Variants in TUSC3 observed in about 807,000 individuals in gnomAD.
The protein encoded by TUSC3 is tumor suppressor candidate 3, also known as dolichyl-diphosphooligosaccharide--protein glycosyltransferase subunit TUSC3.
In TUSC3, 45 loss-of-function variants were observed where a neutral mutation model predicts 44.8. That is an observed-to-expected ratio of 1.00 (90% confidence interval 0.79 to 1.29). TUSC3 has a LOEUF of 1.29. Ranked by LOEUF, TUSC3 falls within the 50% of genes most tolerant of loss-of-function variation. The pLI, the probability that TUSC3 is intolerant of heterozygous loss-of-function variation, is 0.00. For synonymous variants in TUSC3, 212 were observed against 152.9 expected (o/e 1.39, Z -2.85); for missense variants, 519 against 437.9 (o/e 1.19, Z -1.65).
intron 1 of TUSC3, among the ~76,000 whole-genome samples, chr8:15,424,878 C>CA (rs67073442): frequency 0.023 from 3,140 of 135,166 alleles, 84 homozygotes; most frequent in African/African-American, 0.073. Flanking sequence ...GACTCTGTCT[C>CA]AAAAAAAAAA....
chr8:15,794,687 G>C, the TUSC3 span, among the ~76,000 whole-genome samples: 3 of 142,840 alleles, frequency 2.1e-5, no homozygotes, highest in Non-Finnish European at 3.0e-5. Flanking sequence ...CTGCATGTGA[G>C]TGTGCTGCAT....
intron 1 of TUSC3, among the ~76,000 whole-genome samples, chr8:15,617,132 G>GTGTGTGTGTGTGTGTGTGTGTGTGTA (rs375212684): frequency 3.9e-5 from 3 of 77,644 alleles, no homozygotes; most frequent in East Asian, 3.7e-4. Flanking sequence ...GTGTGTGTGT[G>GTGTGTGTGTGTGTGTGTGTGTGTGTA]TATATATTTT....
At chr8:15,422,601 A>AT (rs1158623299) in intron 1 of TUSC3, among the ~76,000 whole-genome samples, 2 of 152,204 alleles carry the variant, frequency 1.3e-5, no homozygotes, top group Non-Finnish European at 2.9e-5. Flanking sequence ...AAAAACAACA[A>AT]TAAAAAAGTA....
chr8:15,754,989 T>C (rs1238127134), intron 9 of TUSC3, among the ~76,000 whole-genome samples: 1 of 152,150 alleles, frequency 6.6e-6, no homozygotes, highest in African/African-American at 2.4e-5. Context: ...TTTTCTTTGC[T>C]GACACAGGTA....
At chr8:15,627,987 G>C (rs533696815) in intron 2 of TUSC3, among the ~76,000 whole-genome samples, 1 of 152,038 alleles carries the variant, frequency 6.6e-6, no homozygotes, top group Non-Finnish European at 1.5e-5. Flanking sequence ...CTGGCGAAGC[G>C]ACACCCCAAG....
In TUSC3 at chr8:15,502,862, C is replaced by T. The variant is rs1800986285; in HGVS notation, n.189+19379C>T. Reference sequence around the variant, plus strand: ...GCAGAAGCTCATCTTTGAGTGCCTTCCCAAAAAGAATGCCAGTGAGTTACT... The same window carrying T: ...GCAGAAGCTCATCTTTGAGTGCCTTTCCAAAAAGAATGCCAGTGAGTTACT... On this transcript the variant is annotated intron_variant and non_coding_transcript_variant, in intron 2 of 5. Coordinates refer to the TUSC3 transcript ENST00000503191. 3.3e-5 allele frequency among the ~76,000 whole-genome samples: 5 copies of T among 152,268 alleles called. No individual in the cohort carries two copies. The South Asian group carries it at 1.0e-3, about 32-fold the overall frequency.
chr8:15,688,164 A>G (rs1808721745), intron 6 of TUSC3, among the ~76,000 whole-genome samples: 1 of 152,070 alleles, frequency 6.6e-6, no homozygotes, highest in Non-Finnish European at 1.5e-5. Flanking sequence ...CAAAGATATT[A>G]TTTTCATCGT....
At chr8:15,772,815 A>AC in the TUSC3 span, among the ~76,000 whole-genome samples, 1 of 152,218 alleles carries the variant, frequency 6.6e-6, no homozygotes, top group Non-Finnish European at 1.5e-5. Flanking sequence ...CCAAGTGGGA[A>AC]TTATTCCAGA....
chr8:15,598,707 C>T lies in TUSC3; in HGVS notation c.139-24373C>T, dbSNP rs376060569. ...GGAATCATACAGTATATAGCCTTTT[C>T]AGATTGGCCTCTTTCACTTAGTAAT... On this transcript the variant is annotated intron_variant, in intron 1 of 10. Transcript: ENST00000503731. 1.2e-3 allele frequency among the ~76,000 whole-genome samples: 184 copies of T among 151,980 alleles called. 4 individuals are homozygous for T. The South Asian group carries it at 0.037, about 31-fold the overall frequency.
At chr8:15,606,226 A>C (rs529707211) in intron 1 of TUSC3, among the ~76,000 whole-genome samples, 1 of 152,182 alleles carries the variant, frequency 6.6e-6, no homozygotes, top group African/African-American at 2.4e-5. Flanking sequence ...CATCTTGTAA[A>C]CAGGTGACAG....
intron 6 of TUSC3, among the ~76,000 whole-genome samples, chr8:15,691,357 T>C (rs1314102956): frequency 6.6e-6 from 1 of 152,152 alleles, no homozygotes; most frequent in African/African-American, 2.4e-5. Flanking sequence ...TGCATTGATT[T>C]ACTAGCCTAA....
chr8:15,835,736 G>T, the TUSC3 span, among the ~76,000 whole-genome samples: 18,062 of 152,120 alleles, frequency 0.12, 1,137 homozygotes, highest in East Asian at 0.25. Context: ...TGTGTATGGG[G>T]GATGTATGTG....
chr8:15,737,370 T>C (rs1397887700), intron 7 of TUSC3, among the ~76,000 whole-genome samples: 2 of 152,150 alleles, frequency 1.3e-5, no homozygotes, highest in Admixed American at 1.3e-4. Context: ...TTATAATGTT[T>C]TGTAAATATA....
chr8:15,450,129 C>G (rs768708336), intron 1 of TUSC3, among the ~76,000 whole-genome samples: 31 of 152,054 alleles, frequency 2.0e-4, no homozygotes, highest in Non-Finnish European at 4.0e-4. Context: ...TCTTTATAAA[C>G]ATGTATAAAA....
intron 6 of TUSC3, among the ~76,000 whole-genome samples, chr8:15,726,470 T>C (rs995527295): frequency 1.3e-5 from 2 of 152,182 alleles, no homozygotes; most frequent in African/African-American, 4.8e-5. Flanking sequence ...CCTTTTTTTA[T>C]TGAATCACTT....
At chr8:15,743,758 T>C in intron 8 of TUSC3, 146 bp downstream of exon 8, 1 of 892,792 alleles carries the variant, frequency 1.1e-6, no homozygotes, top group African/African-American at 1.6e-5. Flanking sequence ...TTTCTATTGC[T>C]GGGATGTGTT....
At chr8:15,785,221 A>T in the TUSC3 span, among the ~76,000 whole-genome samples, 2 of 152,092 alleles carry the variant, frequency 1.3e-5, no homozygotes, top group African/African-American at 4.8e-5. Flanking sequence ...CAACTACTGA[A>T]ATTTTAAAAA....
At chr8:15,744,595 C>A (rs1328646172) in intron 8 of TUSC3, among the ~76,000 whole-genome samples, 1 of 152,054 alleles carries the variant, frequency 6.6e-6, no homozygotes, top group Non-Finnish European at 1.5e-5. Flanking sequence ...ATAGTGCTTT[C>A]TAAATACTTA....
the TUSC3 span, among the ~76,000 whole-genome samples, chr8:15,820,137 AAT>A: frequency 6.6e-6 from 1 of 152,078 alleles, no homozygotes; most frequent in East Asian, 1.9e-4. Context: ...TTATTCTGTT[AAT>A]ATGTTAAAGT....
Sources: gnomAD v4.1 joint callset for allele counts (sites outside exome capture counted in the v4.1 genomes callset) on GRCh38, gnomAD v4.1.1 for gene constraint, MANE v1.5 for transcripts, NCBI Gene and HGNC (gene_info 2026-07-23, HGNC 2026-07-21) for gene names.